Variants in DAB1 observed in about 807,000 individuals in gnomAD.
DAB1 encodes the protein DAB adaptor protein 1, also known as disabled homolog 1.
A neutral mutation model predicts 64.6 loss-of-function variants in DAB1; 15 were observed. That is an observed-to-expected ratio of 0.23 (90% CI 0.16 to 0.36). The LOEUF (loss-of-function observed/expected upper bound fraction) is 0.36. Among genes scored for constraint, DAB1 ranks in the 10% least tolerant of loss-of-function variants. The pLI, the probability that DAB1 is intolerant of heterozygous loss-of-function variation, is 1.00. For missense variants in DAB1, 596 were observed against 706.7 expected, an observed-to-expected ratio of 0.84 and a Z score of 1.78; for synonymous variants, 235 against 251.9, an observed-to-expected ratio of 0.93 and a Z score of 0.64.
Position 58,150,842 on chromosome 1 carries a change from G to A in DAB1, n.310-254C>T, listed in dbSNP as rs145189526. Among the ~76,000 whole-genome samples, 224 of 151,170 alleles carry A rather than the reference G, an allele frequency of 1.5e-3. 1 individual carries two copies. Among genetic ancestry groups the A allele is most frequent in the African/African-American group, 5.2e-3 (214 of 41,166 alleles). Reference sequence around the variant, plus strand: ...TCCTAATGCTTTCCCTCCCCCCACCGTCCCCTCACCCCACGACAAGCCCTG... The same window carrying A: ...TCCTAATGCTTTCCCTCCCCCCACCATCCCCTCACCCCACGACAAGCCCTG... On this transcript the variant is annotated intron_variant and non_coding_transcript_variant, in intron 4 of 20. Coordinates refer to the DAB1 transcript ENST00000485760.
chr1:58,023,400 T>C (rs1557613902), intron 5 of DAB1, among the ~76,000 whole-genome samples: 1 of 152,146 alleles, frequency 6.6e-6, no homozygotes, highest in East Asian at 1.9e-4. Context: ...GGAAAGCTTT[T>C]AAAAAACTAC....
At chr1:57,056,334 A>T (rs1319578384) in intron 9 of DAB1, among the ~76,000 whole-genome samples, 23 of 96,568 alleles carry the variant, frequency 2.4e-4, no homozygotes, top group African/African-American at 1.2e-3. Flanking sequence ...CCTCATCTTT[A>T]AAAAAAAAAA....
intron 1 of DAB1, among the ~76,000 whole-genome samples, chr1:57,302,790 C>T (rs1270308877): frequency 1.3e-5 from 2 of 152,076 alleles, no homozygotes; most frequent in Admixed American, 6.6e-5. Flanking sequence ...GATTTAAAAG[C>T]TTCCCAGGTG....
chr1:57,704,702 T>C (rs1414292525), intron 6 of DAB1, among the ~76,000 whole-genome samples: 1 of 152,176 alleles, frequency 6.6e-6, no homozygotes, highest in African/African-American at 2.4e-5. Context: ...TATTCCTGTG[T>C]TGACCAATAT....
intron 5 of DAB1, among the ~76,000 whole-genome samples, chr1:58,114,091 CAAAA>C (rs530606878): frequency 2.8e-4 from 31 of 109,976 alleles, no homozygotes; most frequent in African/African-American, 7.0e-4. Context: ...TACTAAAATA[CAAAA>C]AAAAAAAAAA....
At chr1:58,073,995 A>T (rs1041926922) in intron 5 of DAB1, among the ~76,000 whole-genome samples, 1 of 152,230 alleles carries the variant, frequency 6.6e-6, no homozygotes. Context: ...GACAGAAAGA[A>T]CATATCCATG....
intron 10 of DAB1, 144 bp downstream of exon 10, chr1:57,025,837 T>C (rs1337741851): frequency 3.1e-6 from 2 of 647,036 alleles, no homozygotes; most frequent in Non-Finnish European, 5.3e-6. Flanking sequence ...ACTAGTTAGT[T>C]TGTCCAAGTC....
intron 5 of DAB1, among the ~76,000 whole-genome samples, chr1:58,101,917 G>A (rs1651344898): frequency 6.6e-6 from 1 of 152,086 alleles, no homozygotes; most frequent in African/African-American, 2.4e-5. Context: ...AGGTTTGCAG[G>A]TCCTGGGCCA....
At chr1:57,445,587 A>C (rs917449077) in intron 7 of DAB1, among the ~76,000 whole-genome samples, 5 of 152,322 alleles carry the variant, frequency 3.3e-5, no homozygotes, top group Admixed American at 3.3e-4. Context: ...CCAAATCCCA[A>C]GAATTGTAAG....
intron 6 of DAB1, among the ~76,000 whole-genome samples, chr1:57,725,391 G>GTA (rs1647196552): frequency 6.6e-6 from 1 of 152,196 alleles, no homozygotes; most frequent in Admixed American, 6.5e-5. Flanking sequence ...TCGTGATGGT[G>GTA]TATACTCTGC....
At chr1:57,779,280 G>T (rs2147077) in intron 6 of DAB1, among the ~76,000 whole-genome samples, 24,044 of 152,028 alleles carry the variant, frequency 0.16, 2,528 homozygotes, top group Admixed American at 0.31. Flanking sequence ...ATCAGCAACT[G>T]CAAGCTCTGA....
At chr1:57,925,416 C>G (rs969461654) in intron 5 of DAB1, among the ~76,000 whole-genome samples, 1 of 152,174 alleles carries the variant, frequency 6.6e-6, no homozygotes, top group Non-Finnish European at 1.5e-5. Context: ...ACGCTTCATA[C>G]AGAATTTATG....
At chr1:57,195,991 T>C (rs908442333) in intron 2 of DAB1, among the ~76,000 whole-genome samples, 1 of 151,702 alleles carries the variant, frequency 6.6e-6, no homozygotes, top group African/African-American at 2.4e-5. Context: ...AATGAAAACA[T>C]GTAAAGCAAC....
At chr1:57,384,225 A>G (rs1332633123) in intron 1 of DAB1, among the ~76,000 whole-genome samples, 2 of 152,160 alleles carry the variant, frequency 1.3e-5, no homozygotes, top group Admixed American at 6.6e-5. Context: ...TGGCTGCTAT[A>G]AAAACAAACA....
chr1:58,377,106 A>G (rs1644335416), intron 3 of DAB1, among the ~76,000 whole-genome samples: 1 of 144,822 alleles, frequency 6.9e-6, no homozygotes, highest in African/African-American at 2.6e-5. Context: ...TGAATACAGC[A>G]CACTGATGGG....
chr1:57,439,426 T>TG (rs1558381406), intron 7 of DAB1, among the ~76,000 whole-genome samples: 17 of 94,890 alleles, frequency 1.8e-4, no homozygotes, highest in African/African-American at 8.2e-4. Context: ...AGGTTTTTTC[T>TG]TTTTTTTTTT....
chr1:57,982,004 G>C (rs370023431), intron 5 of DAB1, among the ~76,000 whole-genome samples: 1 of 152,190 alleles, frequency 6.6e-6, no homozygotes, highest in Non-Finnish European at 1.5e-5. Flanking sequence ...ACTGCCTTTG[G>C]ATCAACTGGC....
chr1:57,346,300 C>G (rs1322492138), intron 1 of DAB1, among the ~76,000 whole-genome samples: 5 of 152,204 alleles, frequency 3.3e-5, no homozygotes, highest in Admixed American at 3.3e-4. Context: ...CTTCGTAGGT[C>G]AGAGCTTACA....
At chr1:57,757,221 A>G (rs1461859671) in intron 6 of DAB1, among the ~76,000 whole-genome samples, 1 of 46,050 alleles carries the variant, frequency 2.2e-5, no homozygotes, top group Non-Finnish European at 5.8e-5. Context: ...TTTTTTTTTT[A>G]GCAGCAATGA....
Sources: gnomAD v4.1 joint callset for allele counts (sites outside exome capture counted in the v4.1 genomes callset) on GRCh38, gnomAD v4.1.1 for gene constraint, MANE v1.5 for transcripts, NCBI Gene and HGNC (gene_info 2026-07-23, HGNC 2026-07-21) for gene names.